The following CHST8 variants were observed in gnomAD, a reference collection of about 807,000 sequenced individuals.
CHST8 encodes GALNAC-4-ST1.
In CHST8, 10 loss-of-function variants were observed where a neutral mutation model predicts 15.0. The ratio of observed to expected loss-of-function variants is 0.67; its 90% confidence interval spans 0.41 to 1.13. The LOEUF (loss-of-function observed/expected upper bound fraction) is 1.13. Among genes scored for constraint, CHST8 ranks in the 50% most tolerant of loss-of-function variants. The pLI is 0.00. For synonymous variants in CHST8, 259 were observed against 256.6 expected (o/e 1.01, Z -0.09); for missense variants, 634 against 608.2 (o/e 1.04, Z -0.45).
In CHST8 at chr19:33,748,647, G is replaced by A. The variant is rs143566919; in HGVS notation, c.131-22766G>A. 1.2e-4 allele frequency among the ~76,000 whole-genome samples: 18 copies of A among 152,272 alleles called. No individual in the cohort carries two copies. In the East Asian group the frequency reaches 3.3e-3, roughly 28 times the overall value. On this transcript the variant is annotated intron_variant, in intron 3 of 4. Coordinates refer to ENST00000650847, the MANE Select transcript of CHST8 (RefSeq NM_001127895.2). ...GTTCCTTCAGCAAGCCCACAGGCCC[G>A]GCTGCTCACCTTGTCCTCTATTGCA...
intron 3 of CHST8, among the ~76,000 whole-genome samples, chr19:33,729,249 G>A (rs1973954101): frequency 6.6e-6 from 1 of 152,242 alleles, no homozygotes; most frequent in Admixed American, 6.5e-5. Flanking sequence ...AACTGAGGGA[G>A]GATCTGTTTC....
chr19:33,634,149 G>A (rs533683212), intron 1 of CHST8, among the ~76,000 whole-genome samples: 1 of 152,216 alleles, frequency 6.6e-6, no homozygotes, highest in Admixed American at 6.5e-5. Context: ...TAAAGGGGTC[G>A]TACTGATGTT....
intron 1 of CHST8, among the ~76,000 whole-genome samples, chr19:33,666,698 TTTTC>T (rs553813561): frequency 6.6e-6 from 1 of 152,058 alleles, no homozygotes; most frequent in East Asian, 1.9e-4. Flanking sequence ...GTATTTTTCT[TTTTC>T]TTTCTTTCTT....
intron 3 of CHST8, among the ~76,000 whole-genome samples, chr19:33,741,004 T>C (rs1016183006): frequency 6.6e-6 from 1 of 152,214 alleles, no homozygotes; most frequent in Non-Finnish European, 1.5e-5. Context: ...TGTCCGTGGT[T>C]CTGAAAACAG....
At chr19:33,767,129 C>T (rs1974864881) in intron 3 of CHST8, among the ~76,000 whole-genome samples, 1 of 151,846 alleles carries the variant, frequency 6.6e-6, no homozygotes. Context: ...GCCAATGCAG[C>T]CGTCATTCTC....
chr19:33,632,853 C>T (rs774340583), intron 1 of CHST8, among the ~76,000 whole-genome samples: 1 of 152,098 alleles, frequency 6.6e-6, no homozygotes, highest in Non-Finnish European at 1.5e-5. Context: ...ACTGCAACCT[C>T]CGCCTCCTGG....
intron 3 of CHST8, among the ~76,000 whole-genome samples, chr19:33,725,456 C>G (rs1973875200): frequency 6.6e-6 from 1 of 152,214 alleles, no homozygotes; most frequent in African/African-American, 2.4e-5. Context: ...GGCCCAGGGT[C>G]CCTGCTGAGC....
At chr19:33,703,103 G>A (rs1039213006) in intron 3 of CHST8, among the ~76,000 whole-genome samples, 3 of 152,222 alleles carry the variant, frequency 2.0e-5, no homozygotes, top group Admixed American at 1.3e-4. Context: ...TGGAGAGGTG[G>A]AGGGCAGGGG....
chr19:33,670,480 C>A (rs1296798133), intron 2 of CHST8, among the ~76,000 whole-genome samples: 1 of 152,178 alleles, frequency 6.6e-6, no homozygotes, highest in East Asian at 1.9e-4. Flanking sequence ...CATAAAATAC[C>A]AACCCCATCA....
At chr19:33,771,529 C>A in intron 4 of CHST8, 79 bp downstream of exon 4, 1 of 1,363,604 alleles carries the variant, frequency 7.3e-7, no homozygotes, top group Non-Finnish European at 1.0e-6. Context: ...AAATTAGGAG[C>A]TCACATTGGA....
intron 3 of CHST8, among the ~76,000 whole-genome samples, chr19:33,757,927 C>T (rs973570985): frequency 1.7e-4 from 26 of 152,118 alleles, no homozygotes; most frequent in Non-Finnish European, 3.4e-4. Flanking sequence ...GCTTCTCTTG[C>T]CCCAGCCCTT....
chr19:33,694,989 T>G (rs959280153), intron 3 of CHST8, among the ~76,000 whole-genome samples: 1 of 144,640 alleles, frequency 6.9e-6, no homozygotes, highest in Admixed American at 7.0e-5. Flanking sequence ...AGGGTCTTGC[T>G]CTGTGGCCCG....
chr19:33,660,659 C>A (rs1389356773), intron 1 of CHST8, among the ~76,000 whole-genome samples: 1 of 152,178 alleles, frequency 6.6e-6, no homozygotes, highest in African/African-American at 2.4e-5. Context: ...ATCAGCAACC[C>A]GGAGTTTACT....
chr19:33,741,119 T>A (rs956897373), intron 3 of CHST8, among the ~76,000 whole-genome samples: 3 of 152,326 alleles, frequency 2.0e-5, no homozygotes, highest in Middle Eastern at 3.4e-3. Context: ...TGCTTCTTGG[T>A]CCAGCTTAGA....
At chr19:33,712,475 A>G (rs997167141) in intron 3 of CHST8, among the ~76,000 whole-genome samples, 4 of 152,130 alleles carry the variant, frequency 2.6e-5, no homozygotes, top group African/African-American at 9.7e-5. Context: ...GAATAATTCC[A>G]TGGGCGGGCA....
At chr19:33,688,820 G>A (rs1469700843) in intron 2 of CHST8, among the ~76,000 whole-genome samples, 1 of 152,196 alleles carries the variant, frequency 6.6e-6, no homozygotes, top group East Asian at 1.9e-4. Flanking sequence ...CGCCCTGGGA[G>A]CACGCATGCT....
At chr19:33,695,821 C>CTTTCTTTCTTTCTT (rs57718433) in intron 3 of CHST8, among the ~76,000 whole-genome samples, 5 of 76,232 alleles carry the variant, frequency 6.6e-5, no homozygotes, top group East Asian at 4.0e-4. Flanking sequence ...TTCTTTCTTT[C>CTTTCTTTCTTTCTT]TTTTTTTTTT....
At chr19:33,713,927 A>G (rs76827405) in intron 3 of CHST8, among the ~76,000 whole-genome samples, 4,831 of 152,198 alleles carry the variant, frequency 0.032, 157 homozygotes, top group African/African-American at 0.089. Context: ...TGAGGAGTGC[A>G]GGGCTGGGGG....
intron 3 of CHST8, among the ~76,000 whole-genome samples, chr19:33,696,950 C>T (rs1045611663): frequency 6.6e-6 from 1 of 151,710 alleles, no homozygotes; most frequent in Non-Finnish European, 1.5e-5. Flanking sequence ...AAGCGATTCT[C>T]CTGCCTCAGC....
Sources: allele counts gnomAD v4.1 joint callset (sites outside exome capture counted in the v4.1 genomes callset), GRCh38; gene constraint gnomAD v4.1.1; transcripts MANE v1.5; gene names NCBI Gene and HGNC (gene_info 2026-07-23, HGNC 2026-07-21).